PMPCB: variants seen among roughly 807,000 people sequenced by gnomAD.
PMPCB encodes peptidase, mitochondrial processing subunit beta.
A neutral mutation model predicts 61.5 loss-of-function variants in PMPCB; 46 were observed. The observed-to-expected ratio is 0.75, with a 90% CI of 0.59 to 0.96. The LOEUF is 0.96. PMPCB is among the 40% of genes least tolerant of loss of function. The pLI, the probability that PMPCB is intolerant of heterozygous loss-of-function variation, is 0.00. For synonymous variants in PMPCB, 191 were observed against 201.6 expected (o/e 0.95, Z 0.44); for missense variants, 590 against 602.4 (o/e 0.98, Z 0.22).
downstream of PMPCB, chr7:103,317,127 C>A: frequency 1.1e-6 from 1 of 932,374 alleles, no homozygotes; most frequent in Non-Finnish European, 1.6e-6. Context: ...CTCACTCTGA[C>A]CCCATACTCC....
At chr7:103,297,984 C>T (rs1817335648) in intron 1 of PMPCB, 2 of 1,145,122 alleles carry the variant, frequency 1.7e-6, no homozygotes, top group Admixed American at 4.1e-5. Context: ...GCATTTTTCT[C>T]ATGAGAGAGC....
rs1817900651 is a variant in PMPCB, at chr7:103,313,947, A to G, written c.*1676A>G. On this transcript the variant is annotated 3_prime_UTR_variant, in exon 13 of 13. Coordinates refer to ENST00000249269, the MANE Select transcript of PMPCB (RefSeq NM_004279.3). ...GACTAATACTACCAGTAGCCTGACT[A>G]CTACTAGAAACTGCGGCCTGTGAGA... 1.0e-6 allele frequency: 1 copy of G among 985,234 alleles called. No individual in the cohort carries two copies. Among genetic ancestry groups the G allele is most frequent in the South Asian group, 4.7e-5 (1 of 21,294 alleles). 61.0% of individuals were successfully genotyped at this position (985,234 alleles called of 1,614,324 possible).
chr7:103,310,255 T>A, intron 8 of PMPCB, 60 bp from the exon 9 acceptor site: 1 of 1,309,190 alleles, frequency 7.6e-7, no homozygotes, highest in South Asian at 1.2e-5. Flanking sequence ...ACTCCATTTT[T>A]CTTTCTGTAT....
chr7:103,314,174 G>T lies in PMPCB; in HGVS notation c.*1903G>T, dbSNP rs1817916151. 1.0e-6 allele frequency: 1 copy of T among 985,176 alleles called. No individual in the cohort carries two copies. Among genetic ancestry groups the T allele is most frequent in the African/African-American group, 1.7e-5 (1 of 57,202 alleles). The allele number at this position is 985,176 out of a possible 1,614,324, so 61.0% of individuals were successfully genotyped here. A position where few individuals can be genotyped will look rare whatever the true frequency, so the allele number is the denominator to read the frequency against. ...GTCTTTTGTTGAATTTCCTTGTATT[G>T]GTTTAAAGCCCTAAATACCATAGAT... On this transcript the variant is annotated 3_prime_UTR_variant, in exon 13 of 13. Coordinates refer to ENST00000249269, the MANE Select transcript of PMPCB (RefSeq NM_004279.3).
downstream of PMPCB, among the ~76,000 whole-genome samples, chr7:103,318,737 G>C (rs1176999007): frequency 6.6e-6 from 1 of 152,152 alleles, no homozygotes; most frequent in Non-Finnish European, 1.5e-5. Context: ...ACAGAACAAA[G>C]ATCTCTTTTG....
intron 6 of PMPCB, 63 bp downstream of exon 6, chr7:103,304,553 G>C: frequency 3.8e-6 from 4 of 1,040,968 alleles, no homozygotes. Flanking sequence ...ATGCTTATTA[G>C]TTTGATCCTG....
the PMPCB span, chr7:103,337,686 C>A: frequency 1.1e-5 from 15 of 1,406,072 alleles, no homozygotes; most frequent in East Asian, 3.2e-4. Context: ...GCATAGCCAG[C>A]CTGTTCCTAT....
In PMPCB at chr7:103,297,492, A is replaced by G. The variant is rs1249719804; in HGVS notation, c.33A>G (p.Ser11=). Reference sequence around the variant, plus strand: ...CTGCGGCGGCTCGAGTGGTGTTGTCATCCGCGGCGCGGCGGCGGCTCTGGG... The same window carrying G: ...CTGCGGCGGCTCGAGTGGTGTTGTCGTCCGCGGCGCGGCGGCGGCTCTGGG... MAAAAARVVL[S]SAARRRLWGF... Residue 11 remains serine (S), a synonymous_variant, in exon 1 of 13, where the codon TCA becomes TCG. Transcript: ENST00000249269. The G allele has an allele frequency of 1.3e-6, 2 of 1,572,120 alleles. No homozygotes were observed. The highest frequency in any genetic ancestry group is 2.7e-5 in the African/African-American group (2 of 73,712).
At chr7:103,343,598 C>T in the PMPCB span, among the ~76,000 whole-genome samples, 1 of 152,180 alleles carries the variant, frequency 6.6e-6, no homozygotes, top group African/African-American at 2.4e-5. Flanking sequence ...CACAGAAACT[C>T]TCTGAAATTA....
At chr7:103,314,801 G>A (rs1817956340), downstream of PMPCB, 1 of 208,420 alleles carries the variant, frequency 4.8e-6, no homozygotes, top group Non-Finnish European at 8.4e-6. Context: ...AAGAATATAG[G>A]TAAAACTGGG....
chr7:103,325,678 G>A lies in PMPCB; in HGVS notation c.*1432-3253G>A, dbSNP rs1451125441. On this transcript the variant is annotated intron_variant and NMD_transcript_variant, in intron 12 of 12. Coordinates refer to the PMPCB transcript ENST00000444457. ...GTTCTCCAGGTAATTCCAATGTGCA[G>A]CCAAGATGTGCTTTAAGGGAACCTG... is the stretch of plus-strand genomic sequence containing the variant. Among the ~76,000 whole-genome samples, 5 of 152,138 alleles carry A rather than the reference G, an allele frequency of 3.3e-5. No individual in the cohort carries two copies. The East Asian group carries it at 9.6e-4, about 29-fold the overall frequency.
chr7:103,331,058 C>A (rs62482396), downstream of PMPCB, among the ~76,000 whole-genome samples: 21,688 of 151,898 alleles, frequency 0.14, 1,738 homozygotes, highest in African/African-American at 0.21. Context: ...TCCTGGGTTC[C>A]AGCGATTCTC....
chr7:103,297,598 G>T (rs370870384), intron 1 of PMPCB, 40 bp downstream of exon 1: 7 of 1,610,050 alleles, frequency 4.3e-6, no homozygotes, highest in Non-Finnish European at 5.9e-6. Flanking sequence ...TCGAGATCTC[G>T]CCAGACCCGG....
chr7:103,312,281 A>C lies in PMPCB; in HGVS notation c.*10A>C. The stretch of plus-strand genomic sequence containing the variant: ...TTGGCTTCGTGATTAAAATGCTCCT[A>C]ATCAAGATTGTTTGAACACATGTAT... On this transcript the variant is annotated 3_prime_UTR_variant, in exon 13 of 13. Coordinates refer to ENST00000249269, the MANE Select transcript of PMPCB (RefSeq NM_004279.3). 1 of 1,608,936 alleles carries C rather than the reference A, an allele frequency of 6.2e-7. No homozygotes were observed. Among genetic ancestry groups the C allele is most frequent in the Non-Finnish European group, 8.5e-7 (1 of 1,179,858 alleles).
At chr7:103,317,129 C>T, downstream of PMPCB, 1 of 919,484 alleles carries the variant, frequency 1.1e-6, no homozygotes, top group South Asian at 1.7e-5. Context: ...CACTCTGACC[C>T]CATACTCCTC....
At chr7:103,326,503 C>G (rs1186469214) in intron 12 of PMPCB, 3 of 1,605,736 alleles carry the variant, frequency 1.9e-6, no homozygotes, top group Non-Finnish European at 8.5e-7. Context: ...AATAAACAAG[C>G]CAACAGGGCA....
downstream of PMPCB, among the ~76,000 whole-genome samples, chr7:103,318,126 A>G (rs1431865228): frequency 6.6e-6 from 1 of 151,814 alleles, no homozygotes; most frequent in African/African-American, 2.4e-5. Flanking sequence ...GCTTTTCCTA[A>G]CTGATTTTGT....
intron 12 of PMPCB, chr7:103,326,558 A>G (rs373706221): frequency 6.2e-7 from 1 of 1,613,814 alleles, no homozygotes. Context: ...ATTCCTTTCA[A>G]ACACTGGGGT....
At chr7:103,321,440 C>T (rs918971441) in intron 12 of PMPCB, among the ~76,000 whole-genome samples, 1 of 151,602 alleles carries the variant, frequency 6.6e-6, no homozygotes, top group African/African-American at 2.4e-5. Context: ...GTTGCTTGAA[C>T]CCAGGAGGCG....
Sources: allele counts gnomAD v4.1 joint callset (sites outside exome capture counted in the v4.1 genomes callset), GRCh38; gene constraint gnomAD v4.1.1; transcripts MANE v1.5; gene names NCBI Gene and HGNC (gene_info 2026-07-23, HGNC 2026-07-21).